The following CNTNAP4 variants were observed in gnomAD, a reference collection of about 807,000 sequenced individuals.
CNTNAP4 encodes contactin associated protein family member 4, also known as contactin-associated protein-like 4.
CNTNAP4 carries 98 observed loss-of-function variants against 148.4 expected under a neutral mutation model. The ratio of observed to expected loss-of-function variants is 0.66; its 90% CI spans 0.56 to 0.78. The LOEUF (loss-of-function observed/expected upper bound fraction) is 0.78, where lower values mean the gene tolerates loss of function less well. Ranked by LOEUF, CNTNAP4 falls within the 30% of genes least tolerant of loss-of-function variation. The pLI, the probability that CNTNAP4 is intolerant of heterozygous loss-of-function variation, is 0.00. For synonymous variants in CNTNAP4, 730 were observed against 565.1 expected (o/e 1.29, Z -4.14); for missense variants, 1,935 against 1,565.6 (o/e 1.24, Z -3.98).
chr16:76,487,541 T>A (rs1017461813), intron 12 of CNTNAP4, among the ~76,000 whole-genome samples: 1 of 152,174 alleles, frequency 6.6e-6, no homozygotes, highest in African/African-American at 2.4e-5. Flanking sequence ...AGGCTCTAAT[T>A]TGAGACTTTT....
At position 76,435,957 on chromosome 16, in the gene CNTNAP4, C is replaced by T. The variant is rs537899586; in HGVS notation, c.538+8358C>T. Among the ~76,000 whole-genome samples the T allele has an allele frequency of 7.2e-5, 11 of 152,244 alleles. No homozygotes were observed. In the South Asian group the frequency reaches 2.3e-3, roughly 32 times the overall value. On this transcript the variant is annotated intron_variant, in intron 4 of 23. Transcript: ENST00000611870. ...ATTCCCATCCCTGTTCTCCAGATTT[C>T]TCTTCATATAAATTAGAAAACTCAA...
At chr16:76,373,038 T>A (rs547175490) in intron 3 of CNTNAP4, among the ~76,000 whole-genome samples, 1 of 152,324 alleles carries the variant, frequency 6.6e-6, no homozygotes, top group East Asian at 1.9e-4. Context: ...TGTCTGCTGG[T>A]TTACAGCACA....
intron 3 of CNTNAP4, among the ~76,000 whole-genome samples, chr16:76,357,427 G>T (rs1459407979): frequency 6.6e-6 from 1 of 152,186 alleles, no homozygotes; most frequent in Non-Finnish European, 1.5e-5. Context: ...TATTAAAGTT[G>T]AGGCGCTCAT....
At chr16:76,279,108 A>T (rs376696211) in intron 1 of CNTNAP4, among the ~76,000 whole-genome samples, 3 of 152,230 alleles carry the variant, frequency 2.0e-5, no homozygotes, top group South Asian at 4.1e-4. Flanking sequence ...ATACAAGCAA[A>T]CAATAACAAC....
At chr16:76,416,484 C>G (rs1418906606) in intron 3 of CNTNAP4, among the ~76,000 whole-genome samples, 2 of 150,018 alleles carry the variant, frequency 1.3e-5, no homozygotes, top group Non-Finnish European at 3.0e-5. Flanking sequence ...TTTAAACATT[C>G]TAGATAATTT....
chr16:76,470,497 A>ATATATATATAT (rs398119511), intron 10 of CNTNAP4, among the ~76,000 whole-genome samples: 30 of 137,394 alleles, frequency 2.2e-4, no homozygotes, highest in African/African-American at 6.3e-4. Context: ...ATATATATAT[A>ATATATATATAT]AAATTAGTCG....
At chr16:76,283,961 G>C (rs371701211) in intron 1 of CNTNAP4, among the ~76,000 whole-genome samples, 1 of 151,960 alleles carries the variant, frequency 6.6e-6, no homozygotes, top group Non-Finnish European at 1.5e-5. Context: ...TTATGTGCAT[G>C]TTCAGATTGT....
At chr16:76,279,346 TA>T (rs1462646855) in intron 1 of CNTNAP4, among the ~76,000 whole-genome samples, 2 of 152,218 alleles carry the variant, frequency 1.3e-5, no homozygotes, top group African/African-American at 4.8e-5. Context: ...TTAATCTAAT[TA>T]TTTGGGCTGC....
chr16:76,343,517 A>G (rs1381338308), intron 2 of CNTNAP4, among the ~76,000 whole-genome samples: 1 of 152,178 alleles, frequency 6.6e-6, no homozygotes, highest in Non-Finnish European at 1.5e-5. Context: ...AATATAGAAT[A>G]ACTAGTAGCA....
rs1242555978 is a variant in CNTNAP4 at position 76,367,872 on chromosome 16, TGTTCTCCAA to T, written c.390+12362_390+12370del. ...TAACTTCTCAGGGATACTTGCCAACTGTTCTCCAATGTAGCTGGTATCTTATCAGTCCTA... is the reference window on the plus strand; with the variant it reads ...TAACTTCTCAGGGATACTTGCCAACTTGTAGCTGGTATCTTATCAGTCCTA... On this transcript the variant is annotated intron_variant, in intron 3 of 23. Coordinates refer to ENST00000611870, the MANE Select transcript of CNTNAP4 (RefSeq NM_033401.5). 3.3e-5 allele frequency among the ~76,000 whole-genome samples: 5 copies of T among 152,210 alleles called. No homozygotes were observed. In the East Asian group the frequency reaches 9.6e-4, roughly 29 times the overall value.
chr16:76,523,060 C>T (rs762233468), intron 17 of CNTNAP4, among the ~76,000 whole-genome samples: 1 of 152,036 alleles, frequency 6.6e-6, no homozygotes, highest in Admixed American at 6.6e-5. Context: ...CCACTGCACC[C>T]AGCCTTACCT....
intron 9 of CNTNAP4, 107 bp from the exon 10 acceptor site, chr16:76,467,245 C>A: frequency 1.0e-6 from 1 of 957,872 alleles, no homozygotes; most frequent in Non-Finnish European, 1.6e-6. Flanking sequence ...TCCTTTAATA[C>A]AGAAAATAAT....
intron 8 of CNTNAP4, among the ~76,000 whole-genome samples, chr16:76,453,010 C>A (rs1452412944): frequency 6.6e-6 from 1 of 152,166 alleles, no homozygotes; most frequent in Non-Finnish European, 1.5e-5. Context: ...AGTTTCCTTT[C>A]ACGACCCTGT....
intron 12 of CNTNAP4, among the ~76,000 whole-genome samples, chr16:76,483,557 G>C (rs1380475726): frequency 2.6e-5 from 4 of 152,128 alleles, no homozygotes; most frequent in Admixed American, 2.6e-4. Context: ...TCTAACATAC[G>C]TGTTTTCTTT....
chr16:76,332,881 G>T (rs1963661810), intron 2 of CNTNAP4, among the ~76,000 whole-genome samples: 1 of 152,148 alleles, frequency 6.6e-6, no homozygotes, highest in Admixed American at 6.5e-5. Flanking sequence ...GGCAGCGCTT[G>T]TACATAATGG....
intron 3 of CNTNAP4, among the ~76,000 whole-genome samples, chr16:76,360,325 A>G (rs950748194): frequency 6.6e-6 from 1 of 152,208 alleles, no homozygotes; most frequent in Non-Finnish European, 1.5e-5. Flanking sequence ...TAAGCCAGAC[A>G]GGGTAGAAAC....
chr16:76,498,539 G>C (rs1476522050), intron 14 of CNTNAP4, 28 bp from the exon 15 acceptor site: 3 of 1,595,108 alleles, frequency 1.9e-6, no homozygotes, highest in Admixed American at 1.8e-5. Flanking sequence ...AAGTTCTTAA[G>C]AATTTTGTTG....
intron 3 of CNTNAP4, among the ~76,000 whole-genome samples, chr16:76,407,008 A>C (rs1316755898): frequency 6.6e-6 from 1 of 152,156 alleles, no homozygotes; most frequent in Non-Finnish European, 1.5e-5. Context: ...TGCCATCTAG[A>C]ACTTTCATAG....
At chr16:76,458,780 G>A (rs2080830511) in intron 8 of CNTNAP4, among the ~76,000 whole-genome samples, 3 of 152,100 alleles carry the variant, frequency 2.0e-5, no homozygotes, top group Non-Finnish European at 2.9e-5. Context: ...CATGGCCCTG[G>A]GGATTGGGGA....
Sources: allele counts gnomAD v4.1 joint callset (sites outside exome capture counted in the v4.1 genomes callset), GRCh38; gene constraint gnomAD v4.1.1; transcripts MANE v1.5; gene names NCBI Gene and HGNC (gene_info 2026-07-23, HGNC 2026-07-21).